The following CEP104 variants were observed in gnomAD, a reference collection of about 807,000 sequenced individuals.
The protein encoded by CEP104 is centrosomal protein 104, also known as centrosomal protein of 104 kDa.
Under a neutral mutation model 113.3 loss-of-function variants are expected in CEP104, and 84 were observed. The observed-to-expected ratio is 0.74, with a 90% confidence interval of 0.62 to 0.89. The LOEUF is 0.89. CEP104 is among the 40% of genes least tolerant of loss of function. The pLI is 0.00. For missense variants in CEP104, 1,053 were observed against 1,156.6 expected (o/e 0.91, Z 1.30); for synonymous variants, 378 against 421.7 (o/e 0.90, Z 1.27).
At chr1:3,855,896 T>C (rs35946672) in intron 1 of CEP104, 66,558 of 985,078 alleles carry the variant, frequency 0.068, 2,396 homozygotes, top group Non-Finnish European at 0.075. Flanking sequence ...GGATCCCTGT[T>C]GTCCCAGGGG....
At position 3,833,375 on chromosome 1, in the gene CEP104, T is replaced by C. The variant is rs1021744660; in HGVS notation, c.1659+487A>G. Among the ~76,000 whole-genome samples the C allele has an allele frequency of 2.6e-5, 4 of 152,196 alleles. No individual in the cohort carries two copies. In the East Asian group the frequency reaches 5.8e-4, roughly 22 times the overall value. On this transcript the variant is annotated intron_variant, in intron 12 of 21. Transcript: ENST00000378230. ...GCTTCTTAAGCCCAAAGGAGGACTC[T>C]TAAGAACTCCTAGACTAGATGAATT...
intron 13 of CEP104, among the ~76,000 whole-genome samples, chr1:3,830,267 CCA>C (rs960978150): frequency 1.4e-4 from 21 of 151,922 alleles, no homozygotes; most frequent in African/African-American, 4.6e-4. Context: ...TCTCGGGGGC[CCA>C]CAGTTTCTCA....
intron 12 of CEP104, among the ~76,000 whole-genome samples, chr1:3,832,766 C>A (rs983487536): frequency 1.3e-5 from 2 of 152,144 alleles, no homozygotes; most frequent in Non-Finnish European, 1.5e-5. Context: ...CTCACTGCAG[C>A]CTCAACCACC....
At chr1:3,848,168 G>A (rs1644543342) in intron 3 of CEP104, among the ~76,000 whole-genome samples, 1 of 152,122 alleles carries the variant, frequency 6.6e-6, no homozygotes, top group African/African-American at 2.4e-5. Context: ...CAGGTGTTAA[G>A]AAACTGTGTA....
intron 3 of CEP104, 32 bp downstream of exon 3, chr1:3,848,576 C>A: frequency 2.0e-6 from 3 of 1,501,504 alleles, no homozygotes; most frequent in Admixed American, 2.0e-5. Flanking sequence ...AGCCTAAAAG[C>A]TGCCATGATA....
intron 1 of CEP104, among the ~76,000 whole-genome samples, chr1:3,853,841 T>A (rs189008186): frequency 2.2e-4 from 34 of 152,276 alleles, no homozygotes; most frequent in Admixed American, 2.2e-3. Context: ...CTGCCTATAA[T>A]CTCAGCACTT....
rs764907237 is a variant in CEP104, at chr1:3,839,032, G to C, written c.823C>G (p.Gln275Glu). 8.1e-6 allele frequency: 13 copies of C among 1,613,956 alleles called. No homozygotes were observed. Among genetic ancestry groups the C allele is most frequent in the South Asian group, 7.7e-5 (7 of 91,088 alleles). ...ACCTCGGCACGATACTGCTCCATCT[G>C]CTGCTTCTTCTCCTTGGCGAGATCG... ...DYDLAKEKKQ[Q>E]MEQYRAEVYE... The change falls in exon 8 of 22, where the codon CAG (glutamine) becomes GAG (glutamate). Residue 275 changes from glutamine (Q) to glutamate (E), a missense_variant. Gln to Glu is a conservative substitution (Grantham distance 29). Coordinates refer to ENST00000378230, the MANE Select transcript of CEP104 (RefSeq NM_014704.4).
At chr1:3,833,083 C>G (rs10797344) in intron 12 of CEP104, among the ~76,000 whole-genome samples, 54,836 of 150,398 alleles carry the variant, frequency 0.36, 10,648 homozygotes, top group Admixed American at 0.46. Flanking sequence ...CTCCCGGGTT[C>G]GATTCTCCTG....
In CEP104 at chr1:3,837,285, T is replaced by C. The variant is rs780659979; in HGVS notation, c.1119+7A>G. On this transcript the variant is annotated splice_region_variant and intron_variant, in intron 9 of 21. Transcript: ENST00000378230. ...ATTGAACGCCAATCTGAAACAGAAT[T>C]ACCTACATTGATCTTTGGATGAGGA... 1.2e-6 allele frequency: 2 copies of C among 1,600,736 alleles called. No homozygotes were observed. The highest frequency in any genetic ancestry group is 1.3e-5 in the African/African-American group (1 of 74,538).
At position 3,825,145 on chromosome 1, in the gene CEP104, G is replaced by GGGCAGTGGCACTGTGGGAAGGA. The variant is rs1553160804; in HGVS notation, c.2364+612_2364+613insTCCTTCCCACAGTGCCACTGCC. On this transcript the variant is annotated intron_variant, in intron 18 of 21. Coordinates refer to ENST00000378230, the MANE Select transcript of CEP104 (RefSeq NM_014704.4). ...AGGGGGCAGTGGCACTGTGGGAAGG[G>GGGCAGTGGCACTGTGGGAAGGA]GGCAGTGGCACTGTGGGAAGGGGGC... 1.5e-4 allele frequency among the ~76,000 whole-genome samples: 7 copies of GGGCAGTGGCACTGTGGGAAGGA among 47,830 alleles called. 2 individuals are homozygous for GGGCAGTGGCACTGTGGGAAGGA. The highest frequency in any genetic ancestry group is 2.3e-4 in the African/African-American group (2 of 8,786). 31.4% of individuals were successfully genotyped at this position (47,830 alleles called of 152,430 possible).
rs949280702 is a variant in CEP104 at position 3,852,153 on chromosome 1, C to A, written c.113+142G>T. The A allele has an allele frequency of 1.5e-5, 10 of 682,514 alleles. No individual in the cohort carries two copies. The Admixed American group carries it at 3.5e-4, about 24-fold the overall frequency. The allele number at this position is 682,514 out of a possible 1,614,324, so 42.3% of individuals were successfully genotyped here. On this transcript the variant is annotated intron_variant, in intron 2 of 21. Coordinates refer to ENST00000378230, the MANE Select transcript of CEP104 (RefSeq NM_014704.4). ...TTAAAAATATAAACAGAAAGAGATG[C>A]CTGACACTGCATGCTGACATCCTTG...
intron 15 of CEP104, among the ~76,000 whole-genome samples, chr1:3,827,685 A>G (rs7511793): frequency 0.2 from 30,270 of 152,228 alleles, 3,430 homozygotes; most frequent in Non-Finnish European, 0.25. Context: ...CCCAACAAAA[A>G]AAGAGAAAAA....
At position 3,852,348 on chromosome 1, in the gene CEP104, A is replaced by G. The variant is rs770861675; in HGVS notation, c.60T>C (p.Ser20=). ...GCGCGTGGATCATGAGCTCCCGGGC[A>G]CTGAAGCCGTCTTCGTGTCCAGATG... ...VSSSGHEDGF[S]ARELMIHAPT... is the part of the protein sequence containing the mutation. The change falls in exon 2 of 22, where the codon AGT becomes AGC. Residue 20 remains serine (S), a synonymous_variant. Coordinates refer to ENST00000378230, the MANE Select transcript of CEP104 (RefSeq NM_014704.4). 3.1e-6 allele frequency: 5 copies of G among 1,613,926 alleles called. No individual in the cohort carries two copies. The highest frequency in any genetic ancestry group is 4.2e-6 in the Non-Finnish European group (5 of 1,179,936).
chr1:3,843,918 C>T (rs575542603), intron 6 of CEP104, among the ~76,000 whole-genome samples: 9 of 152,172 alleles, frequency 5.9e-5, no homozygotes, highest in Non-Finnish European at 7.4e-5. Context: ...CGCGCCACCA[C>T]GCCTGGCTAA....
rs566978122 is a variant in CEP104 at position 3,833,721 on chromosome 1, T to C, written c.1659+141A>G. On this transcript the variant is annotated intron_variant, in intron 12 of 21. Transcript: ENST00000378230. ...AAGACAAAACTGACCTTTTAGAGCA[T>C]AAGGAAAGTGTGATGGTGAATCCCT... 5.2e-5 allele frequency: 39 copies of C among 750,300 alleles called. No individual in the cohort carries two copies. In the African/African-American group the frequency reaches 6.1e-4, roughly 12 times the overall value. 46.5% of individuals were successfully genotyped at this position (750,300 alleles called of 1,614,324 possible). A position where few individuals can be genotyped will look rare whatever the true frequency, so the allele number is the denominator to read the frequency against.
intron 20 of CEP104, among the ~76,000 whole-genome samples, chr1:3,821,050 G>A (rs1643962344): frequency 6.6e-6 from 1 of 152,238 alleles, no homozygotes; most frequent in African/African-American, 2.4e-5. Flanking sequence ...TGTCCACTGA[G>A]AGTCCAGCCA....
Position 3,823,138 on chromosome 1 carries a change from C to A in CEP104, c.2571+36G>T. The stretch of plus-strand genomic sequence containing the variant: ...ACCACTGCCATCCACAGGTGTGTCA[C>A]CTACTTCACTGGTCCCTTCTCCCCA... On this transcript the variant is annotated intron_variant, in intron 20 of 21. Coordinates refer to ENST00000378230, the MANE Select transcript of CEP104 (RefSeq NM_014704.4). The surrounding 1 kb of genome is among the most constrained non-coding windows in gnomAD (Gnocchi z 4.1). 1 of 1,602,034 alleles carries A rather than the reference C, an allele frequency of 6.2e-7. No individual in the cohort carries two copies. Among genetic ancestry groups the A allele is most frequent in the South Asian group, 1.1e-5 (1 of 90,848 alleles).
In CEP104 at chr1:3,815,397, C is replaced by T. The variant is rs1200556655; in HGVS notation, c.*5G>A. 3 of 1,602,994 alleles carry T rather than the reference C, an allele frequency of 1.9e-6. No individual in the cohort carries two copies. The highest frequency in any genetic ancestry group is 1.7e-5 in the Admixed American group (1 of 59,402). On this transcript the variant is annotated 3_prime_UTR_variant, in exon 22 of 22. Transcript: ENST00000378230. ...TCACAGAGACCAAGGAGCCCGAGCG[C>T]CGCGTCAGCGCTTGGCGTACGTCCT...
intron 8 of CEP104, 85 bp downstream of exon 8, chr1:3,838,879 G>A: frequency 7.0e-7 from 1 of 1,436,962 alleles, no homozygotes; most frequent in Non-Finnish European, 9.7e-7. Flanking sequence ...ACACTTCAAA[G>A]ACATCTATCC....
Sources: allele counts gnomAD v4.1 joint callset (sites outside exome capture counted in the v4.1 genomes callset), GRCh38; gene constraint gnomAD v4.1.1; non-coding constraint Gnocchi (gnomAD v3.1); transcripts MANE v1.5; gene names NCBI Gene and HGNC (gene_info 2026-07-23, HGNC 2026-07-21).